Variants in DNAH10 observed in about 807,000 individuals in gnomAD.
DNAH10 encodes axonemal beta dynein heavy chain 10.
Under a neutral mutation model 506.6 loss-of-function variants are expected in DNAH10, and 348 were observed. The ratio of observed to expected loss-of-function variants is 0.69; its 90% confidence interval spans 0.63 to 0.75. DNAH10 has a LOEUF of 0.75. Ranked by LOEUF, DNAH10 falls within the 30% of genes least tolerant of loss-of-function variation. DNAH10 has a pLI of 0.00. For missense variants in DNAH10, 5,179 were observed against 5,787.1 expected (o/e 0.89, Z 3.41); for synonymous variants, 2,059 against 2,198.6 (o/e 0.94, Z 1.78).
At chr12:123,821,018 G>A (rs1238076021) in intron 24 of DNAH10, among the ~76,000 whole-genome samples, 1 of 152,208 alleles carries the variant, frequency 6.6e-6, no homozygotes, top group Non-Finnish European at 1.5e-5. Flanking sequence ...GGGAGGCCAA[G>A]GCGGGTGCAT....
chr12:123,880,795 C>G (rs1345966821), intron 50 of DNAH10, among the ~76,000 whole-genome samples: 3 of 98,388 alleles, frequency 3.0e-5, no homozygotes, highest in Admixed American at 2.7e-4. Context: ...TGCTATCCCT[C>G]CCCCCTCCCC....
At chr12:123,881,172 G>A (rs543056536) in intron 50 of DNAH10, among the ~76,000 whole-genome samples, 6 of 152,190 alleles carry the variant, frequency 3.9e-5, no homozygotes, top group East Asian at 3.9e-4. Flanking sequence ...GCCCAGTAAC[G>A]GGATGGCTGG....
At chr12:123,825,918 T>G (rs1367032824) in intron 24 of DNAH10, among the ~76,000 whole-genome samples, 1 of 152,054 alleles carries the variant, frequency 6.6e-6, no homozygotes, top group Non-Finnish European at 1.5e-5. Flanking sequence ...CCCAGGAGTT[T>G]GAGGCCAGCC....
rs1955095251 is a variant in DNAH10, at chr12:123,929,327, T to G, written c.12359T>G (p.Phe4120Cys). Reference protein sequence around the residue: ...GLKLNMRATYFKISHEMLDQC... With the variant: ...GLKLNMRATYCKISHEMLDQC... The stretch of plus-strand genomic sequence containing the variant: ...AAACTCAACATGAGGGCAACTTACT[T>G]CAAGATCTCTCACGAAATGCTGGAC... Residue 4120 changes from phenylalanine to cysteine, a missense_variant, in exon 71 of 79, where the codon TTC (phenylalanine) becomes TGC (cysteine). By Grantham distance (205) the Phe-to-Cys change is radical. Coordinates refer to ENST00000673944, the MANE Select transcript of DNAH10 (RefSeq NM_001372106.1). 1 of 1,607,526 alleles carries G rather than the reference T, an allele frequency of 6.2e-7. No homozygotes were observed. Among genetic ancestry groups the G allele is most frequent in the Non-Finnish European group, 8.5e-7 (1 of 1,177,032 alleles).
Position 123,867,514 on chromosome 12 carries a change from T to C in DNAH10, c.7215T>C (p.Tyr2405=), listed in dbSNP as rs756409145. Residue 2405 remains tyrosine (Y), a synonymous_variant, in exon 42 of 79, where the codon TAT becomes TAC. Transcript: ENST00000673944. The part of the protein sequence containing the change: ...LNSLFEKYVP[Y]LMDVIVEGIV... The stretch of plus-strand genomic sequence containing the variant: ...GTCTCTTTGAGAAGTATGTGCCCTA[T>C]CTCATGGATGTGATAGTGGAAGGAA... 4 of 1,613,938 alleles carry C rather than the reference T, an allele frequency of 2.5e-6. No individual in the cohort carries two copies. Among genetic ancestry groups the C allele is most frequent in the Non-Finnish European group, 3.4e-6 (4 of 1,179,876 alleles).
In DNAH10 at chr12:123,868,004, G is replaced by T; in HGVS notation, c.7404G>T (p.Leu2468=). Residue 2468 remains leucine (L), a synonymous_variant, in exon 43 of 79, where the codon CTG becomes CTT. Transcript: ENST00000673944. ...CYFLEALYCS[L]GASLLEDGRM... is the part of the protein sequence containing the mutation. Reference sequence around the variant, plus strand: ...TCCTGGAGGCTTTGTACTGCTCTCTGGGAGCCTCCCTGCTTGAGGATGGAA... The same window carrying T: ...TCCTGGAGGCTTTGTACTGCTCTCTTGGAGCCTCCCTGCTTGAGGATGGAA... The T allele has an allele frequency of 6.2e-7, 1 of 1,613,910 alleles. No individual in the cohort carries two copies. The highest frequency in any genetic ancestry group is 2.2e-5 in the East Asian group (1 of 44,876).
intron 13 of DNAH10, 56 bp downstream of exon 13, chr12:123,796,888 T>TG: frequency 4.4e-6 from 6 of 1,352,120 alleles, no homozygotes; most frequent in Non-Finnish European, 6.0e-6. Context: ...TTTTTTTTTT[T>TG]GAGATGGAGT....
intron 56 of DNAH10, among the ~76,000 whole-genome samples, chr12:123,901,747 G>C (rs572948013): frequency 1.4e-4 from 22 of 152,108 alleles, no homozygotes; most frequent in Non-Finnish European, 2.5e-4. Context: ...TGCAACCTCT[G>C]CCTCCTGGGT....
chr12:123,891,739 C>T (rs1464771245), intron 52 of DNAH10, among the ~76,000 whole-genome samples: 2 of 152,156 alleles, frequency 1.3e-5, no homozygotes, highest in East Asian at 3.9e-4. Context: ...CCAAGACCAT[C>T]CCCGGCTCCG....
intron 77 of DNAH10, among the ~76,000 whole-genome samples, chr12:123,933,844 C>A (rs928276892): frequency 6.6e-6 from 1 of 152,196 alleles, no homozygotes; most frequent in Non-Finnish European, 1.5e-5. Context: ...TTTCTTGTAA[C>A]CCCTGACGGG....
chr12:123,812,805 T>C (rs1285660982), intron 19 of DNAH10, among the ~76,000 whole-genome samples: 2 of 152,126 alleles, frequency 1.3e-5, no homozygotes, highest in Non-Finnish European at 1.5e-5. Flanking sequence ...TGGGGTTCTC[T>C]TGTGTATGGC....
intron 25 of DNAH10, among the ~76,000 whole-genome samples, chr12:123,829,693 T>G (rs1000730895): frequency 2.6e-5 from 4 of 151,902 alleles, no homozygotes; most frequent in African/African-American, 9.7e-5. Flanking sequence ...GCCTCCTTTC[T>G]GACCATTTCC....
intron 26 of DNAH10, among the ~76,000 whole-genome samples, chr12:123,832,067 T>C (rs1960612495): frequency 6.6e-6 from 1 of 152,138 alleles, no homozygotes; most frequent in Non-Finnish European, 1.5e-5. Context: ...TGTAGACACA[T>C]ATGCATGCAA....
rs1208366902 is a variant in DNAH10, at chr12:123,861,037, A to C, written c.6775A>C (p.Ile2259Leu). 6.2e-7 allele frequency: 1 copy of C among 1,613,994 alleles called. No homozygotes were observed. The highest frequency in any genetic ancestry group is 2.2e-5 in the East Asian group (1 of 44,882). ...GCTTGGGCTGACGACAAAGTTGTAC[A>C]TCCTGAACCCCAAAGCCGTGAGTGT... ...TKLGLTTKLY[I>L]LNPKAVSVIE... The change falls in exon 39 of 79, where the codon ATC becomes CTC. Residue 2259 changes from isoleucine to leucine, a missense_variant. Physicochemically the swap from Ile to Leu is conservative, Grantham distance 5. Around this residue, in one of 3 missense-constraint regions of DNAH10, gnomAD observed 4,844 missense variants for 5,430.5 expected, o/e 0.89. Transcript: ENST00000673944.
chr12:123,870,497 T>C lies in DNAH10; in HGVS notation c.7639+12T>C. On this transcript the variant is annotated intron_variant, in intron 44 of 78. Coordinates refer to ENST00000673944, the MANE Select transcript of DNAH10 (RefSeq NM_001372106.1). ...CATCAACATCCTGGGTAAGTCAGAG[T>C]CAAATCCTTGTTCCTGGGTTTAGGA... 1 of 1,610,810 alleles carries C rather than the reference T, an allele frequency of 6.2e-7. No homozygotes were observed. The highest frequency in any genetic ancestry group is 8.5e-7 in the Non-Finnish European group (1 of 1,179,110).
Position 123,799,239 on chromosome 12 carries a change from T to C in DNAH10, c.2164-7T>C, listed in dbSNP as rs368140411. On this transcript the variant is annotated splice_region_variant and splice_polypyrimidine_tract_variant and intron_variant, in intron 13 of 78. Coordinates refer to ENST00000673944, the MANE Select transcript of DNAH10 (RefSeq NM_001372106.1). ...ACAAAATGACGGTTGCTTGAATTCT[T>C]TGATAGGTCAAACAAAAATATTTGG... is the stretch of plus-strand genomic sequence containing the variant. 14 of 1,603,586 alleles carry C rather than the reference T, an allele frequency of 8.7e-6. No individual in the cohort carries two copies. The African/African-American group carries it at 1.5e-4, about 17-fold the overall frequency.
intron 46 of DNAH10, among the ~76,000 whole-genome samples, chr12:123,874,740 G>T (rs1952181694): frequency 6.6e-6 from 1 of 152,210 alleles, no homozygotes; most frequent in South Asian, 2.1e-4. Context: ...TTGTCTTAAA[G>T]CTTGATGCTT....
At chr12:123,904,616 G>A (rs1953691485) in intron 57 of DNAH10, among the ~76,000 whole-genome samples, 2 of 152,136 alleles carry the variant, frequency 1.3e-5, no homozygotes, top group South Asian at 4.1e-4. Context: ...TCACCCCTGA[G>A]AAAGCCTAAG....
At chr12:123,866,283 A>G (rs572756051) in intron 41 of DNAH10, among the ~76,000 whole-genome samples, 1 of 114,258 alleles carries the variant, frequency 8.8e-6, no homozygotes, top group Non-Finnish European at 1.6e-5. Flanking sequence ...TCGCTCTGTC[A>G]CCCAGGCTGG....
Sources: allele counts gnomAD v4.1 joint callset (sites outside exome capture counted in the v4.1 genomes callset), GRCh38; gene constraint gnomAD v4.1.1; regional missense constraint gnomAD v4.1.1; transcripts MANE v1.5; gene names NCBI Gene and HGNC (gene_info 2026-07-23, HGNC 2026-07-21).